Variants in PCDHGA11 observed in about 807,000 individuals in gnomAD.
PCDHGA11 encodes the protein protocadherin gamma subfamily A, 11.
A neutral mutation model predicts 60.4 loss-of-function variants in PCDHGA11; 39 were observed. The observed-to-expected ratio is 0.65, with a 90% CI of 0.50 to 0.84. The LOEUF (loss-of-function observed/expected upper bound fraction) is 0.84. Among genes scored for constraint, PCDHGA11 ranks in the 40% least tolerant of loss-of-function variants. PCDHGA11 has a pLI of 0.00. For missense variants in PCDHGA11, 1,165 were observed against 1,197.7 expected (o/e 0.97, Z 0.40); for synonymous variants, 533 against 510.3 (o/e 1.04, Z -0.60).
At chr5:141,428,836 C>T (rs926107154) in intron 1 of PCDHGA11, 1 of 150,686 alleles carries the variant, frequency 6.6e-6, no homozygotes, top group African/African-American at 2.5e-5. Context: ...ATTTTTGAAA[C>T]ATTTTCACCA....
In PCDHGA11 at chr5:141,427,784, G is replaced by A. The variant is rs750188824; in HGVS notation, c.2433+4124G>A. 6.8e-6 allele frequency: 10 copies of A among 1,470,180 alleles called. No homozygotes were observed. The Admixed American group carries it at 1.3e-4, about 20-fold the overall frequency. 91.1% of individuals were successfully genotyped at this position (1,470,180 alleles called of 1,614,324 possible). Reference sequence around the variant, plus strand: ...CTGACTTGGAGCTGCGGGCACTGTCGTCCTACGTGTCCGTGAGCGCACAGA... The same window carrying A: ...CTGACTTGGAGCTGCGGGCACTGTCATCCTACGTGTCCGTGAGCGCACAGA... On this transcript the variant is annotated intron_variant, in intron 1 of 3. Coordinates refer to ENST00000398587, the MANE Select transcript of PCDHGA11 (RefSeq NM_018914.3).
At chr5:141,470,306 T>C (rs2099227644) in intron 1 of PCDHGA11, among the ~76,000 whole-genome samples, 1 of 152,222 alleles carries the variant, frequency 6.6e-6, no homozygotes, top group South Asian at 2.1e-4. Flanking sequence ...TTATTCCATT[T>C]TTCCTCAAAT....
Position 141,423,758 on chromosome 5 carries a change from GGGT to G in PCDHGA11, c.2433+101_2433+103del, listed in dbSNP as rs776356896. The G allele has an allele frequency of 7.0e-4, 256 of 366,834 alleles. 2 individuals are homozygous for G. The highest frequency in any genetic ancestry group is 6.8e-3 in the African/African-American group (232 of 34,230). The allele number at this position is 366,834 out of a possible 1,614,324, so 22.7% of individuals were successfully genotyped here. A position where few individuals can be genotyped will look rare whatever the true frequency, so the allele number is the denominator to read the frequency against. ...CTGTTATGAAAACTGTTTGGGGGGG[GGGT>G]GGGGCGGCATATATTTAGTTCATAT... On this transcript the variant is annotated intron_variant, in intron 1 of 3. Coordinates refer to ENST00000398587, the MANE Select transcript of PCDHGA11 (RefSeq NM_018914.3).
intron 1 of PCDHGA11, among the ~76,000 whole-genome samples, chr5:141,445,447 A>C (rs974383838): frequency 6.6e-6 from 1 of 152,222 alleles, no homozygotes; most frequent in Non-Finnish European, 1.5e-5. Flanking sequence ...TGGACTAAGG[A>C]TGCAGCAATG....
chr5:141,485,314 T>G lies in PCDHGA11; in HGVS notation c.2434-9493T>G. Reference sequence around the variant, plus strand: ...CACAGGAAGGGACTTTTGTAGGGAATGTCGCTCAAGATTTCCTGCTGGATA... The same window carrying G: ...CACAGGAAGGGACTTTTGTAGGGAAGGTCGCTCAAGATTTCCTGCTGGATA... On this transcript the variant is annotated intron_variant, in intron 1 of 3. Coordinates refer to ENST00000398587, the MANE Select transcript of PCDHGA11 (RefSeq NM_018914.3). This position sits in a 1 kb window ranked among gnomAD's most constrained non-coding sequence, Gnocchi z 5.7. 1 of 1,614,150 alleles carries G rather than the reference T, an allele frequency of 6.2e-7. No individual in the cohort carries two copies. The highest frequency in any genetic ancestry group is 8.5e-7 in the Non-Finnish European group (1 of 1,180,032).
chr5:141,511,320 A>G lies in PCDHGA11; in HGVS notation c.*147A>G. ...CATGCTCCCCTTGGGAAACAGAAAC[A>G]AGTGCCCAGTCAGCACCTACCCCTT... On this transcript the variant is annotated 3_prime_UTR_variant, in exon 4 of 4. Transcript: ENST00000398587. 6.8e-7 allele frequency: 1 copy of G among 1,475,678 alleles called. No homozygotes were observed. The highest frequency in any genetic ancestry group is 1.4e-5 in the South Asian group (1 of 72,746). 91.4% of individuals were successfully genotyped at this position (1,475,678 alleles called of 1,614,324 possible).
intron 1 of PCDHGA11, among the ~76,000 whole-genome samples, chr5:141,469,882 G>A (rs760102003): frequency 2.6e-5 from 4 of 152,280 alleles, no homozygotes; most frequent in Non-Finnish European, 4.4e-5. Context: ...TGTAATCTCG[G>A]CACTTTGGGA....
chr5:141,433,108 G>A (rs2097568903), intron 1 of PCDHGA11: 2 of 1,614,146 alleles, frequency 1.2e-6, no homozygotes, highest in East Asian at 2.2e-5. Context: ...TCAGCCAGGA[G>A]AGCTTTGAAA....
chr5:141,431,049 T>C lies in PCDHGA11; in HGVS notation c.2433+7389T>C, dbSNP rs1226000576. On this transcript the variant is annotated intron_variant, in intron 1 of 3. Coordinates refer to ENST00000398587, the MANE Select transcript of PCDHGA11 (RefSeq NM_018914.3). The surrounding 1 kb of genome is among the most constrained non-coding windows in gnomAD (Gnocchi z 4.8). Reference sequence around the variant, plus strand: ...AGGATAGACCGGGAGGAGCTCTGTATGGGGGCCATCAAGTGTCAATTAAAT... The same window carrying C: ...AGGATAGACCGGGAGGAGCTCTGTACGGGGGCCATCAAGTGTCAATTAAAT... The C allele has an allele frequency of 6.2e-7, 1 of 1,614,162 alleles. No homozygotes were observed. Among genetic ancestry groups the C allele is most frequent in the Non-Finnish European group, 8.5e-7 (1 of 1,180,014 alleles).
intron 1 of PCDHGA11, among the ~76,000 whole-genome samples, chr5:141,445,778 T>G (rs1045010487): frequency 6.6e-6 from 1 of 152,190 alleles, no homozygotes; most frequent in East Asian, 1.9e-4. Context: ...TTAAAAGGGC[T>G]AGGGAGGCTA....
At chr5:141,447,283 G>T (rs1194678678) in intron 1 of PCDHGA11, among the ~76,000 whole-genome samples, 1 of 152,122 alleles carries the variant, frequency 6.6e-6, no homozygotes, top group East Asian at 1.9e-4. Context: ...GGGACTACAG[G>T]CACATGCCAC....
chr5:141,490,062 C>A lies in PCDHGA11; in HGVS notation c.2434-4745C>A, dbSNP rs758715682. 6.2e-7 allele frequency: 1 copy of A among 1,614,218 alleles called. No homozygotes were observed. The highest frequency in any genetic ancestry group is 1.1e-5 in the South Asian group (1 of 91,082). ...CCACTGATCCAGACGAGGGCACCAA[C>A]GGCCAACTAGACTATTCTTTTGGAG... On this transcript the variant is annotated intron_variant, in intron 1 of 3. Coordinates refer to ENST00000398587, the MANE Select transcript of PCDHGA11 (RefSeq NM_018914.3). The surrounding 1 kb of genome is among the most constrained non-coding windows in gnomAD (Gnocchi z 5.4).
intron 1 of PCDHGA11, among the ~76,000 whole-genome samples, chr5:141,481,593 G>A (rs575017133): frequency 1.3e-5 from 2 of 152,172 alleles, no homozygotes; most frequent in African/African-American, 2.4e-5. Context: ...TGAGGCCAGC[G>A]GATCACCTGA....
intron 1 of PCDHGA11, among the ~76,000 whole-genome samples, chr5:141,437,668 G>T (rs72790049): frequency 3.1e-4 from 47 of 151,868 alleles, no homozygotes; most frequent in Non-Finnish European, 6.0e-4. Context: ...TCGAAGAGAT[G>T]TTGATCAAAC....
At chr5:141,472,729 T>G (rs2099294506) in intron 1 of PCDHGA11, among the ~76,000 whole-genome samples, 1 of 152,004 alleles carries the variant, frequency 6.6e-6, no homozygotes. Context: ...CTCACACCTG[T>G]AATCCCAGCA....
At chr5:141,499,013 GA>G (rs2099788463) in intron 2 of PCDHGA11, among the ~76,000 whole-genome samples, 1 of 144,746 alleles carries the variant, frequency 6.9e-6, no homozygotes, top group Non-Finnish European at 1.5e-5. Context: ...AGGAAGGAAG[GA>G]AGGAAGGAAG....
In PCDHGA11 at chr5:141,466,692, A is replaced by G. The variant is rs185786515; in HGVS notation, c.2434-28115A>G. Among the ~76,000 whole-genome samples the G allele has an allele frequency of 3.0e-4, 46 of 152,280 alleles. 1 individual carries two copies. The highest frequency in any genetic ancestry group is 1.0e-3 in the African/African-American group (43 of 41,558). On this transcript the variant is annotated intron_variant, in intron 1 of 3. Coordinates refer to ENST00000398587, the MANE Select transcript of PCDHGA11 (RefSeq NM_018914.3). ...ACCGTTCTTCCACTCAAGCTTCATCATAAATTTGATGTCTGTTCTTGTTTC... is the reference window on the plus strand; with the variant it reads ...ACCGTTCTTCCACTCAAGCTTCATCGTAAATTTGATGTCTGTTCTTGTTTC...
chr5:141,427,890 G>T lies in PCDHGA11; in HGVS notation c.2433+4230G>T, dbSNP rs1438515062. 1.9e-6 allele frequency: 3 copies of T among 1,566,844 alleles called. No homozygotes were observed. In the South Asian group the frequency reaches 3.3e-5, roughly 17 times the overall value. Reference sequence around the variant, plus strand: ...GCTCACGATGCAGGCCCACGACCAGGGCTCGCCCGCGCTCAGCGCCAACAT... The same window carrying T: ...GCTCACGATGCAGGCCCACGACCAGTGCTCGCCCGCGCTCAGCGCCAACAT... On this transcript the variant is annotated intron_variant, in intron 1 of 3. Transcript: ENST00000398587.
chr5:141,449,475 C>T (rs1351574160), intron 1 of PCDHGA11, among the ~76,000 whole-genome samples: 8 of 150,696 alleles, frequency 5.3e-5, no homozygotes, highest in African/African-American at 1.9e-4. Flanking sequence ...GGCCTGGTAC[C>T]CCATGCCTAA....
Sources: gnomAD v4.1 joint callset for allele counts (sites outside exome capture counted in the v4.1 genomes callset) on GRCh38, gnomAD v4.1.1 for gene constraint, Gnocchi (gnomAD v3.1) non-coding constraint, MANE v1.5 for transcripts, NCBI Gene and HGNC (gene_info 2026-07-23, HGNC 2026-07-21) for gene names.